The following CACNA1C variants were observed in gnomAD, a reference collection of about 807,000 sequenced individuals.
CACNA1C encodes calcium voltage-gated channel subunit alpha1 C.
A neutral mutation model predicts 229.0 loss-of-function variants in CACNA1C; 30 were observed. That is an observed-to-expected ratio of 0.13 (90% CI 0.10 to 0.18). The LOEUF (loss-of-function observed/expected upper bound fraction) is 0.18. Ranked by LOEUF, CACNA1C falls within the 10% of genes least tolerant of loss-of-function variation. CACNA1C has a pLI of 1.00. For synonymous variants in CACNA1C, 1,114 were observed against 1,132.5 expected, an observed-to-expected ratio of 0.98 and a Z score of 0.33; for missense variants, 1,658 against 2,845.0, an observed-to-expected ratio of 0.58 and a Z score of 9.49.
At chr12:2,076,932 C>T (rs1325553461) in intron 1 of CACNA1C, among the ~76,000 whole-genome samples, 1 of 152,188 alleles carries the variant, frequency 6.6e-6, no homozygotes, top group African/African-American at 2.4e-5. Flanking sequence ...ACCAGCCACC[C>T]CTGGAATCCA....
At position 2,584,298 on chromosome 12, in the gene CACNA1C, T is replaced by C. The variant is rs2061615572; in HGVS notation, c.2225-205T>C. 2.6e-5 allele frequency among the ~76,000 whole-genome samples: 4 copies of C among 152,124 alleles called. No homozygotes were observed. In the South Asian group the frequency reaches 8.3e-4, roughly 32 times the overall value. On this transcript the variant is annotated intron_variant, in intron 15 of 46. Transcript: ENST00000399655. ...GTGCAGGCTAGCCTGTTCTCATCCC[T>C]CTTGATAGCTCCAGGTAGCTAGGAG...
intron 3 of CACNA1C, among the ~76,000 whole-genome samples, chr12:2,318,666 A>T (rs4765918): frequency 4.6e-5 from 7 of 152,310 alleles, no homozygotes; most frequent in African/African-American, 1.7e-4. Context: ...TTTACAGATC[A>T]CCAGACAGGC....
At position 2,215,766 on chromosome 12, in the gene CACNA1C, T is replaced by C. The variant is rs567143099; in HGVS notation, c.477+95336T>C. On this transcript the variant is annotated intron_variant, in intron 3 of 46. Coordinates refer to ENST00000399655, the MANE Select transcript of CACNA1C (RefSeq NM_000719.7). This position sits in a 1 kb window ranked among gnomAD's most constrained non-coding sequence, Gnocchi z 5.0. ...CCAGTACCCTGTTTGGAGGGCTCTT[T>C]GCAAAGAGGCAGAAGAGCCCCAAGG... is the stretch of plus-strand genomic sequence containing the variant. Among the ~76,000 whole-genome samples, 1 of 152,232 alleles carries C rather than the reference T, an allele frequency of 6.6e-6. No homozygotes were observed. The highest frequency in any genetic ancestry group is 1.9e-4 in the East Asian group (1 of 5,172).
intron 1 of CACNA1C, among the ~76,000 whole-genome samples, chr12:2,042,810 G>C (rs7970196): frequency 6.6e-6 from 1 of 152,150 alleles, no homozygotes; most frequent in Non-Finnish European, 1.5e-5. Flanking sequence ...ATTAAATCAT[G>C]ACTTGTACAC....
rs376788497 is a variant in CACNA1C at position 2,655,332 on chromosome 12, G to C, written c.4232+94G>C. On this transcript the variant is annotated intron_variant, in intron 34 of 46. Transcript: ENST00000399655. Reference sequence around the variant, plus strand: ...GTAGAATGAAAGGGAACTGCTTCCCGGGGAGTAGGAAGGGAGAGGATGTGT... The same window carrying C: ...GTAGAATGAAAGGGAACTGCTTCCCCGGGAGTAGGAAGGGAGAGGATGTGT... 12 of 749,284 alleles carry C rather than the reference G, an allele frequency of 1.6e-5. No individual in the cohort carries two copies. In the South Asian group the frequency reaches 2.1e-4, roughly 13 times the overall value. 46.4% of individuals were successfully genotyped at this position (749,284 alleles called of 1,614,324 possible). A position where few individuals can be genotyped will look rare whatever the true frequency, so the allele number is the denominator to read the frequency against.
chr12:2,373,616 G>C (rs960752895), intron 3 of CACNA1C, among the ~76,000 whole-genome samples: 1 of 152,178 alleles, frequency 6.6e-6, no homozygotes, highest in African/African-American at 2.4e-5. Context: ...TGTAGGGCTT[G>C]TGAGCCAGGG....
chr12:2,608,498 TCTC>T lies in CACNA1C; in HGVS notation c.3357-7_3357-5del, dbSNP rs748106344. On this transcript the variant is annotated splice_polypyrimidine_tract_variant and intron_variant, in intron 26 of 46. Coordinates refer to ENST00000399655, the MANE Select transcript of CACNA1C (RefSeq NM_000719.7). The surrounding 1 kb of genome is among the most constrained non-coding windows in gnomAD (Gnocchi z 4.2). ...TCTCCAGTTCCCTCTGTGGGACCTGTCTCCTCCTGCAGGCTGCTGTACCGCTCC... is the reference window on the plus strand; with the variant it reads ...TCTCCAGTTCCCTCTGTGGGACCTGTCTCCTGCAGGCTGCTGTACCGCTCC... 6.9e-6 allele frequency: 11 copies of T among 1,594,186 alleles called. No individual in the cohort carries two copies. The Admixed American group carries it at 6.9e-5, about 10-fold the overall frequency.
intron 3 of CACNA1C, among the ~76,000 whole-genome samples, chr12:2,229,987 G>A (rs2064305437): frequency 6.6e-6 from 1 of 152,242 alleles, no homozygotes; most frequent in South Asian, 2.1e-4. Context: ...CGAGGGGTCT[G>A]TCCTGTGTGC....
chr12:2,442,354 C>A (rs923853590), intron 3 of CACNA1C, among the ~76,000 whole-genome samples: 1 of 141,004 alleles, frequency 7.1e-6, no homozygotes, highest in Non-Finnish European at 1.5e-5. Flanking sequence ...TGGCCATGGA[C>A]CCCCCAGTTG....
chr12:2,222,276 C>G (rs564421891), intron 3 of CACNA1C: 1 of 152,326 alleles, frequency 6.6e-6, no homozygotes, highest in East Asian at 1.9e-4. Context: ...ATACATAGGA[C>G]AACCATTTGT....
chr12:2,371,438 G>A (rs111891289), intron 3 of CACNA1C, among the ~76,000 whole-genome samples: 3,587 of 152,262 alleles, frequency 0.024, 140 homozygotes, highest in African/African-American at 0.082. Context: ...TTCAACCTTT[G>A]CTTTACAACA....
At chr12:2,384,957 G>A (rs1272864321) in intron 3 of CACNA1C, among the ~76,000 whole-genome samples, 1 of 152,188 alleles carries the variant, frequency 6.6e-6, no homozygotes, top group Non-Finnish European at 1.5e-5. Context: ...AAAGGGGCTG[G>A]GAGTGGTCAG....
chr12:2,040,624 C>T (rs76630116), intron 1 of CACNA1C, among the ~76,000 whole-genome samples: 7,701 of 152,216 alleles, frequency 0.051, 266 homozygotes, highest in Middle Eastern at 0.078. Context: ...GAGATGGTGA[C>T]CAACTAGTCT....
At chr12:2,305,154 C>A (rs2094912895) in intron 3 of CACNA1C, among the ~76,000 whole-genome samples, 1 of 152,222 alleles carries the variant, frequency 6.6e-6, no homozygotes, top group African/African-American at 2.4e-5. Context: ...GCACACACTG[C>A]AGGGCTATTT....
intron 3 of CACNA1C, among the ~76,000 whole-genome samples, chr12:2,169,798 TC>T (rs1347442749): frequency 6.6e-6 from 1 of 152,236 alleles, no homozygotes; most frequent in East Asian, 1.9e-4. Context: ...GCCTGAAGTT[TC>T]TGCCATTGAT....
intron 1 of CACNA1C, among the ~76,000 whole-genome samples, chr12:1,994,762 C>T (rs568877500): frequency 1.3e-5 from 2 of 152,256 alleles, no homozygotes; most frequent in African/African-American, 4.8e-5. Context: ...ACAACAGGAT[C>T]TCACCTCTTT....
chr12:2,491,885 C>G (rs180817493), intron 6 of CACNA1C, among the ~76,000 whole-genome samples: 46 of 151,952 alleles, frequency 3.0e-4, no homozygotes, highest in Admixed American at 5.2e-4. Flanking sequence ...ATCACACTTA[C>G]GATTGTTTTG....
Position 2,649,241 on chromosome 12 carries a change from A to G in CACNA1C, c.3945+734A>G, listed in dbSNP as rs917171001. On this transcript the variant is annotated intron_variant, in intron 31 of 46. Coordinates refer to ENST00000399655, the MANE Select transcript of CACNA1C (RefSeq NM_000719.7). The surrounding 1 kb of genome is among the most constrained non-coding windows in gnomAD (Gnocchi z 4.4). ...TGAAGTGATAAAAGAGACGCCATTC[A>G]GTGTGACCTTGAAGCCTCCTTGGCC... 2.0e-5 allele frequency among the ~76,000 whole-genome samples: 3 copies of G among 152,350 alleles called. No homozygotes were observed. Among genetic ancestry groups the G allele is most frequent in the South Asian group, 2.1e-4 (1 of 4,828 alleles).
intron 3 of CACNA1C, among the ~76,000 whole-genome samples, chr12:2,204,708 C>T (rs1447147606): frequency 5.5e-5 from 8 of 146,644 alleles, no homozygotes; most frequent in Admixed American, 2.1e-4. Flanking sequence ...AAACTAAACA[C>T]TGCATATTCT....
Sources: allele counts gnomAD v4.1 joint callset (sites outside exome capture counted in the v4.1 genomes callset), GRCh38; gene constraint gnomAD v4.1.1; non-coding constraint Gnocchi (gnomAD v3.1); transcripts MANE v1.5; gene names NCBI Gene and HGNC (gene_info 2026-07-23, HGNC 2026-07-21).